GALNT13: variants seen among roughly 807,000 people sequenced by gnomAD.
GALNT13 encodes the protein polypeptide N-acetylgalactosaminyltransferase 13.
A neutral mutation model predicts 64.2 loss-of-function variants in GALNT13; 28 were observed. The ratio of observed to expected loss-of-function variants is 0.44; its 90% CI spans 0.32 to 0.60. GALNT13 has a LOEUF of 0.60. Among genes scored for constraint, GALNT13 ranks in the 20% least tolerant of loss-of-function variants. The pLI is 0.05. For missense variants in GALNT13, 577 were observed against 669.8 expected (o/e 0.86, Z 1.53); for synonymous variants, 214 against 224.6 (o/e 0.95, Z 0.42).
chr2:153,102,629 C>T, the GALNT13 span, among the ~76,000 whole-genome samples: 1 of 152,112 alleles, frequency 6.6e-6, no homozygotes, highest in African/African-American at 2.4e-5. Flanking sequence ...AAACTTGCAA[C>T]GTTTGAGGTA....
rs141576043 is a variant in GALNT13, at chr2:153,888,774, C to A, written c.-176-12162C>A. ...AAGGTTACATGTACTCACAGACAGA[C>A]AATTGATTCATTTTCTTGTATTATT... On this transcript the variant is annotated intron_variant, in intron 1 of 12. Transcript: ENST00000392825. Among the ~76,000 whole-genome samples, 483 of 152,048 alleles carry A rather than the reference C, an allele frequency of 3.2e-3. 1 individual carries two copies. Among genetic ancestry groups the A allele is most frequent in the Middle Eastern group, 6.8e-3 (2 of 294 alleles).
chr2:154,185,274 T>G (rs1559011770), intron 4 of GALNT13, among the ~76,000 whole-genome samples: 1 of 152,080 alleles, frequency 6.6e-6, no homozygotes, highest in African/African-American at 2.4e-5. Context: ...GCTTTCAAAA[T>G]TCTCTCTTTG....
At chr2:153,629,092 G>A in the GALNT13 span, among the ~76,000 whole-genome samples, 1 of 152,064 alleles carries the variant, frequency 6.6e-6, no homozygotes, top group Admixed American at 6.6e-5. Context: ...TATGTGTCGA[G>A]GAATTTATCC....
chr2:154,450,111 G>A (rs973051067), intron 12 of GALNT13, among the ~76,000 whole-genome samples: 18 of 151,934 alleles, frequency 1.2e-4, no homozygotes, highest in Admixed American at 6.6e-5. Flanking sequence ...AACTGAACTC[G>A]GAGCTCACAA....
chr2:153,579,735 T>A, the GALNT13 span, among the ~76,000 whole-genome samples: 9 of 152,074 alleles, frequency 5.9e-5, no homozygotes, highest in Non-Finnish European at 1.0e-4. Flanking sequence ...GAGCTCCACC[T>A]CTCATCAGCT....
At chr2:153,178,732 CTTT>C in the GALNT13 span, among the ~76,000 whole-genome samples, 13,389 of 97,642 alleles carry the variant, frequency 0.14, 499 homozygotes, top group Non-Finnish European at 0.18. Flanking sequence ...TTCTCTTCTT[CTTT>C]TTTTTTTTTT....
At chr2:153,124,302 G>A in the GALNT13 span, among the ~76,000 whole-genome samples, 5 of 152,316 alleles carry the variant, frequency 3.3e-5, no homozygotes, top group South Asian at 2.1e-4. Flanking sequence ...CTCGAGCTGT[G>A]TGTGGATTTC....
At chr2:154,061,448 A>C (rs1700179822) in intron 3 of GALNT13, among the ~76,000 whole-genome samples, 2 of 152,160 alleles carry the variant, frequency 1.3e-5, no homozygotes, top group Non-Finnish European at 2.9e-5. Context: ...CTTTGTCAGA[A>C]ATTATAATTT....
At chr2:153,434,329 C>G in the GALNT13 span, among the ~76,000 whole-genome samples, 1 of 152,122 alleles carries the variant, frequency 6.6e-6, no homozygotes, top group Non-Finnish European at 1.5e-5. Context: ...ATTTATAATC[C>G]TTTGGGTATA....
intron 4 of GALNT13, among the ~76,000 whole-genome samples, chr2:154,214,622 A>G (rs1456159424): frequency 1.3e-5 from 2 of 151,946 alleles, no homozygotes; most frequent in Non-Finnish European, 2.9e-5. Flanking sequence ...ATGAGATCTG[A>G]TGGTTTTATA....
intron 1 of GALNT13, among the ~76,000 whole-genome samples, chr2:153,881,389 T>C (rs1431338496): frequency 1.3e-5 from 2 of 152,216 alleles, no homozygotes; most frequent in Admixed American, 6.5e-5. Context: ...GTCAGACTTA[T>C]GGATAGTATT....
At chr2:153,131,494 C>A in the GALNT13 span, among the ~76,000 whole-genome samples, 1 of 151,398 alleles carries the variant, frequency 6.6e-6, no homozygotes, top group Non-Finnish European at 1.5e-5. Flanking sequence ...AGAGAGTAAA[C>A]TGGAGGATGG....
chr2:153,352,197 C>T, the GALNT13 span, among the ~76,000 whole-genome samples: 57 of 152,160 alleles, frequency 3.7e-4, no homozygotes, highest in African/African-American at 1.3e-3. Context: ...TTGCATTTCC[C>T]TGGTGACATA....
chr2:153,635,398 G>T, the GALNT13 span, among the ~76,000 whole-genome samples: 1 of 120,778 alleles, frequency 8.3e-6, no homozygotes, highest in Non-Finnish European at 1.8e-5. Flanking sequence ...CAGTAAATAT[G>T]TATATATATA....
the GALNT13 span, among the ~76,000 whole-genome samples, chr2:153,757,725 A>G: frequency 2.0e-5 from 3 of 152,114 alleles, no homozygotes; most frequent in Admixed American, 1.3e-4. Context: ...CATTTCCCCA[A>G]TGATTAGAGA....
chr2:153,562,798 A>G, the GALNT13 span, among the ~76,000 whole-genome samples: 8 of 152,114 alleles, frequency 5.3e-5, no homozygotes, highest in Admixed American at 3.3e-4. Flanking sequence ...TTTGTTGCCA[A>G]TGCAATTATC....
intron 7 of GALNT13, among the ~76,000 whole-genome samples, chr2:154,256,495 T>G (rs540851940): frequency 1.3e-5 from 2 of 152,202 alleles, no homozygotes; most frequent in Non-Finnish European, 2.9e-5. Flanking sequence ...TAAGAAGTTA[T>G]GCTCTGAGGC....
the GALNT13 span, among the ~76,000 whole-genome samples, chr2:153,644,193 C>A: frequency 1.3e-5 from 2 of 151,934 alleles, no homozygotes; most frequent in East Asian, 3.9e-4. Flanking sequence ...AAAATGCTGG[C>A]TATAAGAACA....
chr2:153,424,794 G>A, the GALNT13 span, among the ~76,000 whole-genome samples: 1 of 151,744 alleles, frequency 6.6e-6, no homozygotes, highest in East Asian at 1.9e-4. Flanking sequence ...AACATAGAAA[G>A]GTGTGCTAAT....
Sources: gnomAD v4.1 joint callset for allele counts (sites outside exome capture counted in the v4.1 genomes callset) on GRCh38, gnomAD v4.1.1 for gene constraint, MANE v1.5 for transcripts, NCBI Gene and HGNC (gene_info 2026-07-23, HGNC 2026-07-21) for gene names.